The following ADCY2 variants were observed in gnomAD, a reference collection of about 807,000 sequenced individuals.
ADCY2 encodes the protein adenylate cyclase type 2.
A neutral mutation model predicts 125.2 loss-of-function variants in ADCY2; 31 were observed. The ratio of observed to expected loss-of-function variants is 0.25; its 90% CI spans 0.19 to 0.33. The LOEUF is 0.33. ADCY2 is among the 10% of genes least tolerant of loss of function. The pLI is 1.00. For synonymous variants in ADCY2, 512 were observed against 548.4 expected (o/e 0.93, Z 0.93); for missense variants, 904 against 1,418.2 (o/e 0.64, Z 5.82).
intron 6 of ADCY2, among the ~76,000 whole-genome samples, chr5:7,697,332 T>C (rs964131917): frequency 6.6e-6 from 1 of 152,188 alleles, no homozygotes; most frequent in Non-Finnish European, 1.5e-5. Flanking sequence ...TATCCAGCCA[T>C]TGGTTTATCC....
chr5:7,777,124 C>T (rs73737626), intron 18 of ADCY2, among the ~76,000 whole-genome samples: 9,729 of 152,108 alleles, frequency 0.064, 725 homozygotes, highest in African/African-American at 0.18. Context: ...ATAGACCTCC[C>T]TCAAGCTTCT....
rs527240181 is a variant in ADCY2, at chr5:7,624,455, C to T, written c.571-1712C>T. On this transcript the variant is annotated intron_variant, in intron 3 of 24. Coordinates refer to ENST00000338316, the MANE Select transcript of ADCY2 (RefSeq NM_020546.3). ...CACAGGGGCAAGTGGCCCACTAGGT[C>T]CACTGCTTGGCTGAGAATGCAGGAC... is the stretch of plus-strand genomic sequence containing the variant. Among the ~76,000 whole-genome samples the T allele has an allele frequency of 1.4e-4, 22 of 152,322 alleles. No homozygotes were observed. The South Asian group carries it at 3.3e-3, about 23-fold the overall frequency.
chr5:7,558,046 T>TTTGG (rs1561093120), intron 3 of ADCY2, among the ~76,000 whole-genome samples: 1 of 151,592 alleles, frequency 6.6e-6, no homozygotes, highest in Non-Finnish European at 1.5e-5. Flanking sequence ...TTTTGTTTTG[T>TTTGG]TTTTGGTTTT....
chr5:7,639,929 C>T (rs1463876448), intron 4 of ADCY2, among the ~76,000 whole-genome samples: 1 of 152,116 alleles, frequency 6.6e-6, no homozygotes, highest in Non-Finnish European at 1.5e-5. Flanking sequence ...AGTCTCCTTC[C>T]AGTAGGGAGT....
chr5:7,687,800 T>A (rs1428054825), intron 4 of ADCY2, among the ~76,000 whole-genome samples: 1 of 152,210 alleles, frequency 6.6e-6, no homozygotes, highest in Non-Finnish European at 1.5e-5. Context: ...TAGAAACTCA[T>A]GTAAACACTG....
chr5:7,709,297 G>A lies in ADCY2; in HGVS notation c.1488G>A (p.Arg496=), dbSNP rs760131423. 1.9e-6 allele frequency: 3 copies of A among 1,613,840 alleles called. No individual in the cohort carries two copies. The highest frequency in any genetic ancestry group is 2.2e-5 in the East Asian group (1 of 44,856). ...TGAGGGCCTCGGTCCGCATGACCCG[G>A]TACTTGGAGTCCTGGGGGGCAGCCA... The part of the protein sequence containing the change: ...AKMRASVRMT[R]YLESWGAAKP... The change falls in exon 10 of 25, where the codon CGG becomes CGA. Residue 496 remains arginine (R), a synonymous_variant. Coordinates refer to ENST00000338316, the MANE Select transcript of ADCY2 (RefSeq NM_020546.3). This position sits in a 1 kb window ranked among gnomAD's most constrained non-coding sequence, Gnocchi z 4.4.
chr5:7,703,987 G>C (rs1741176164), intron 7 of ADCY2, among the ~76,000 whole-genome samples: 1 of 137,708 alleles, frequency 7.3e-6, no homozygotes, highest in African/African-American at 3.1e-5. Context: ...GGGCAACAGA[G>C]CAAGATTCTG....
At chr5:7,637,747 A>T (rs897991434) in intron 4 of ADCY2, among the ~76,000 whole-genome samples, 2 of 152,190 alleles carry the variant, frequency 1.3e-5, no homozygotes, top group Non-Finnish European at 2.9e-5. Context: ...TAAAGTAAAA[A>T]TATAAAATTA....
intron 2 of ADCY2, among the ~76,000 whole-genome samples, chr5:7,477,417 A>G (rs1313074407): frequency 6.6e-6 from 1 of 152,172 alleles, no homozygotes; most frequent in African/African-American, 2.4e-5. Context: ...TTTATATTCT[A>G]CTTGCAGAAT....
At chr5:7,499,724 T>A (rs1213807750) in intron 2 of ADCY2, among the ~76,000 whole-genome samples, 1 of 146,280 alleles carries the variant, frequency 6.8e-6, no homozygotes, top group African/African-American at 2.5e-5. Flanking sequence ...TGTATATATA[T>A]AAAATGTTAC....
chr5:7,718,872 G>A (rs1741676779), intron 12 of ADCY2, among the ~76,000 whole-genome samples: 1 of 152,044 alleles, frequency 6.6e-6, no homozygotes, highest in East Asian at 1.9e-4. Context: ...ATAAAATATA[G>A]GTGGAAGGAT....
intron 2 of ADCY2, among the ~76,000 whole-genome samples, chr5:7,497,483 T>C (rs1406332790): frequency 2.0e-5 from 3 of 152,176 alleles, no homozygotes; most frequent in African/African-American, 7.2e-5. Flanking sequence ...TTCAGTATTC[T>C]AGTGTCAGTA....
intron 24 of ADCY2, among the ~76,000 whole-genome samples, chr5:7,823,734 A>G (rs184019614): frequency 2.6e-5 from 4 of 152,330 alleles, no homozygotes; most frequent in Admixed American, 6.5e-5. Context: ...GCAGCTTTTA[A>G]GCACTTGGGA....
At chr5:7,501,646 T>TCCCCCACCCCCA (rs1743585370) in intron 2 of ADCY2, among the ~76,000 whole-genome samples, 3 of 40,546 alleles carry the variant, frequency 7.4e-5, no homozygotes, top group African/African-American at 3.0e-4. Context: ...GATTCCCCCC[T>TCCCCCACCCCCA]CCCCCCCCCC....
At chr5:7,554,549 A>G (rs2126578377) in intron 3 of ADCY2, among the ~76,000 whole-genome samples, 1 of 152,268 alleles carries the variant, frequency 6.6e-6, no homozygotes, top group Admixed American at 6.5e-5. Context: ...AAATATATGT[A>G]CTAAGCTCTT....
intron 22 of ADCY2, among the ~76,000 whole-genome samples, chr5:7,805,787 G>A (rs1401544187): frequency 3.3e-5 from 5 of 152,170 alleles, no homozygotes; most frequent in South Asian, 4.1e-4. Flanking sequence ...CTAGTTTCCC[G>A]CTTAACATTC....
chr5:7,693,851 C>T (rs1055608072), intron 5 of ADCY2, among the ~76,000 whole-genome samples: 7 of 152,200 alleles, frequency 4.6e-5, no homozygotes, highest in African/African-American at 9.6e-5. Flanking sequence ...CTGTGGATGA[C>T]GTGAGCAAGA....
intron 3 of ADCY2, among the ~76,000 whole-genome samples, chr5:7,526,067 C>G (rs1183203169): frequency 6.6e-6 from 1 of 152,174 alleles, no homozygotes; most frequent in Non-Finnish European, 1.5e-5. Flanking sequence ...GTCCTCTTCC[C>G]TGTCCCAGCT....
chr5:7,557,669 C>T (rs551871836), intron 3 of ADCY2, among the ~76,000 whole-genome samples: 2 of 152,310 alleles, frequency 1.3e-5, no homozygotes, highest in African/African-American at 4.8e-5. Flanking sequence ...TGGCCTCCAG[C>T]TTCATCCCTG....
Sources: gnomAD v4.1 joint callset for allele counts (sites outside exome capture counted in the v4.1 genomes callset) on GRCh38, gnomAD v4.1.1 for gene constraint, Gnocchi (gnomAD v3.1) non-coding constraint, MANE v1.5 for transcripts, NCBI Gene and HGNC (gene_info 2026-07-23, HGNC 2026-07-21) for gene names.